Variants in PADI3 observed in about 807,000 individuals in gnomAD.
PADI3 encodes peptidyl arginine deiminase 3, also known as protein-arginine deiminase type-3.
Under a neutral mutation model 71.5 loss-of-function variants are expected in PADI3, and 53 were observed. That is an observed-to-expected ratio of 0.74 (90% CI 0.59 to 0.93). The LOEUF (loss-of-function observed/expected upper bound fraction) is 0.93, where lower values mean the gene tolerates loss of function less well. PADI3 is among the 40% of genes least tolerant of loss of function. PADI3 has a pLI of 0.00. For synonymous variants in PADI3, 361 were observed against 347.5 expected, an observed-to-expected ratio of 1.04 and a Z score of -0.43; for missense variants, 821 against 868.0, an observed-to-expected ratio of 0.95 and a Z score of 0.68.
At chr1:17,271,515 A>G (rs1001795165) in intron 9 of PADI3, among the ~76,000 whole-genome samples, 1 of 152,184 alleles carries the variant, frequency 6.6e-6, no homozygotes, top group African/African-American at 2.4e-5. Context: ...GTTTTGCAGT[A>G]TCTGCAGACA....
At chr1:17,277,396 T>C (rs2073348912) in intron 13 of PADI3, among the ~76,000 whole-genome samples, 1 of 152,134 alleles carries the variant, frequency 6.6e-6, no homozygotes, top group Non-Finnish European at 1.5e-5. Flanking sequence ...GGTTTCTCCA[T>C]GTTGGTCAGG....
Position 17,249,123 on chromosome 1 carries a change from A to G in PADI3, c.-15A>G. On this transcript the variant is annotated 5_prime_UTR_variant, in exon 1 of 16. Coordinates refer to ENST00000375460, the MANE Select transcript of PADI3 (RefSeq NM_016233.2). Reference sequence around the variant, plus strand: ...AGTGTTGGGGTTGGCGGCCACAGCTAAGTCCAACACCAGCATGTCGCTGCA... The same window carrying G: ...AGTGTTGGGGTTGGCGGCCACAGCTGAGTCCAACACCAGCATGTCGCTGCA... The G allele has an allele frequency of 6.2e-7, 1 of 1,612,310 alleles. No individual in the cohort carries two copies. The highest frequency in any genetic ancestry group is 8.5e-7 in the Non-Finnish European group (1 of 1,178,368).
chr1:17,268,096 C>T (rs756475773), intron 6 of PADI3, 134 bp downstream of exon 6: 8 of 1,033,686 alleles, frequency 7.7e-6, no homozygotes, highest in Non-Finnish European at 1.0e-5. Context: ...GGTGGCGGGT[C>T]GCAGTAAGAA....
rs545952383 is a variant in PADI3, at chr1:17,282,945, C to T, written c.1861C>T (p.Leu621=). 7.4e-6 allele frequency: 12 copies of T among 1,614,194 alleles called. No individual in the cohort carries two copies. The South Asian group carries it at 1.3e-4, about 18-fold the overall frequency. ...CCTGGAGGAGAAGGTGCGGTCCCTG[C>T]TGGAGCCGCTGGGCCTCCACTGCAC... The part of the protein sequence containing the change: ...CCLEEKVRSL[L]EPLGLHCTFI... Residue 621 remains leucine, a synonymous_variant, in exon 16 of 16, where the codon CTG becomes TTG. Coordinates refer to ENST00000375460, the MANE Select transcript of PADI3 (RefSeq NM_016233.2).
chr1:17,270,013 A>G (rs1348967078), intron 6 of PADI3, among the ~76,000 whole-genome samples: 1 of 152,136 alleles, frequency 6.6e-6, no homozygotes, highest in Non-Finnish European at 1.5e-5. Context: ...TTGTGCTCCA[A>G]AAAGGTATGA....
chr1:17,274,610 C>A, intron 10 of PADI3, 25 bp from the exon 11 acceptor site: 1 of 1,598,142 alleles, frequency 6.3e-7, no homozygotes, highest in Middle Eastern at 1.7e-4. Flanking sequence ...CCTCCACCCC[C>A]GCCTGACTTG....
At chr1:17,280,933 T>A in intron 15 of PADI3, 137 bp downstream of exon 15, 1 of 1,106,448 alleles carries the variant, frequency 9.0e-7, no homozygotes, top group Non-Finnish European at 1.3e-6. Flanking sequence ...AGGGGTCCTA[T>A]GGTGCTCCTC....
At chr1:17,274,548 T>C in intron 10 of PADI3, 87 bp from the exon 11 acceptor site, 1 of 1,249,100 alleles carries the variant, frequency 8.0e-7, no homozygotes, top group East Asian at 2.4e-5. Flanking sequence ...TTTCCCACCC[T>C]GTCTTGAAGG....
intron 1 of PADI3, among the ~76,000 whole-genome samples, chr1:17,250,890 C>A (rs2072958314): frequency 6.6e-6 from 1 of 152,092 alleles, no homozygotes; most frequent in Non-Finnish European, 1.5e-5. Flanking sequence ...TGGATTGGGG[C>A]AATAAGAGAT....
At chr1:17,264,986 G>A (rs1315961690) in intron 3 of PADI3, among the ~76,000 whole-genome samples, 1 of 148,364 alleles carries the variant, frequency 6.7e-6, no homozygotes, top group Non-Finnish European at 1.5e-5. Flanking sequence ...TCCAGCCTGG[G>A]CGACAGAGAC....
At chr1:17,256,497 T>A (rs2073029264) in intron 1 of PADI3, among the ~76,000 whole-genome samples, 1 of 152,230 alleles carries the variant, frequency 6.6e-6, no homozygotes, top group South Asian at 2.1e-4. Flanking sequence ...GTTCAGACCG[T>A]GGTCCTGGGG....
chr1:17,254,091 G>C (rs1429672556), intron 1 of PADI3, among the ~76,000 whole-genome samples: 2 of 152,200 alleles, frequency 1.3e-5, no homozygotes, highest in Non-Finnish European at 2.9e-5. Flanking sequence ...TTGGAAAAAG[G>C]GTATACGGGG....
intron 5 of PADI3, 79 bp downstream of exon 5, chr1:17,266,915 G>C: frequency 5.5e-6 from 6 of 1,085,534 alleles, no homozygotes; most frequent in Non-Finnish European, 8.5e-6. Flanking sequence ...ACCCACAGGC[G>C]AGACTCTGAG....
chr1:17,271,581 G>A (rs899062812), intron 9 of PADI3, among the ~76,000 whole-genome samples: 2 of 152,004 alleles, frequency 1.3e-5, no homozygotes, highest in African/African-American at 4.8e-5. Context: ...CCTCAGTAGT[G>A]TCGAGGCTGA....
chr1:17,274,573 C>A, intron 10 of PADI3, 62 bp from the exon 11 acceptor site: 6 of 1,489,456 alleles, frequency 4.0e-6, no homozygotes, highest in Admixed American at 2.0e-5. Flanking sequence ...CAAAGCCCAG[C>A]AAGTTGGTTC....
intron 4 of PADI3, among the ~76,000 whole-genome samples, chr1:17,266,324 C>T (rs2073167844): frequency 6.6e-6 from 1 of 152,150 alleles, no homozygotes; most frequent in African/African-American, 2.4e-5. Flanking sequence ...GGAAGGCTTC[C>T]TGGAGGGACG....
At chr1:17,253,846 T>G (rs1339801057) in intron 1 of PADI3, among the ~76,000 whole-genome samples, 1 of 152,162 alleles carries the variant, frequency 6.6e-6, no homozygotes, top group Non-Finnish European at 1.5e-5. Context: ...TTGAGCAACT[T>G]TCTACTCAAC....
At chr1:17,271,854 A>AAGAGAG (rs1338360878) in intron 9 of PADI3, among the ~76,000 whole-genome samples, 1 of 132,324 alleles carries the variant, frequency 7.6e-6, no homozygotes, top group African/African-American at 2.9e-5. Context: ...AAAAAAAAAA[A>AAGAGAG]AGAGAGAGAG....
intron 5 of PADI3, among the ~76,000 whole-genome samples, chr1:17,267,507 G>C (rs2073185930): frequency 6.6e-6 from 1 of 152,196 alleles, no homozygotes; most frequent in African/African-American, 2.4e-5. Flanking sequence ...GGGTCACAGG[G>C]AGTGATGCTG....
Sources: gnomAD v4.1 joint callset for allele counts (sites outside exome capture counted in the v4.1 genomes callset) on GRCh38, gnomAD v4.1.1 for gene constraint, MANE v1.5 for transcripts, NCBI Gene and HGNC (gene_info 2026-07-23, HGNC 2026-07-21) for gene names.